Variants in JPH3 observed in about 807,000 individuals in gnomAD.
JPH3 encodes the protein junctophilin 3, also known as junctophilin-3.
Under a neutral mutation model 59.6 loss-of-function variants are expected in JPH3, and 11 were observed. The observed-to-expected ratio is 0.18, with a 90% confidence interval of 0.12 to 0.31. The LOEUF (loss-of-function observed/expected upper bound fraction) is 0.31. Among genes scored for constraint, JPH3 ranks in the 10% least tolerant of loss-of-function variants. JPH3 has a pLI of 1.00. For missense variants in JPH3, 1,202 were observed against 1,105.7 expected (o/e 1.09, Z -1.24); for synonymous variants, 673 against 483.6 (o/e 1.39, Z -5.14).
intron 1 of JPH3, among the ~76,000 whole-genome samples, chr16:87,632,443 T>C (rs76300107): frequency 0.041 from 6,301 of 152,310 alleles, 356 homozygotes; most frequent in African/African-American, 0.13. Context: ...TTATCCTTTT[T>C]CTTGGTTTGT....
intron 2 of JPH3, among the ~76,000 whole-genome samples, chr16:87,678,321 A>G (rs2033201057): frequency 6.6e-6 from 1 of 152,124 alleles, no homozygotes; most frequent in South Asian, 2.1e-4. Context: ...AGGCGGTTGG[A>G]TCACCTGAGG....
intron 1 of JPH3, among the ~76,000 whole-genome samples, chr16:87,627,777 G>A (rs1256782852): frequency 1.3e-5 from 2 of 152,208 alleles, no homozygotes; most frequent in Non-Finnish European, 2.9e-5. Context: ...AGATTTGCCC[G>A]ACTTCCACCC....
intron 2 of JPH3, among the ~76,000 whole-genome samples, chr16:87,672,849 A>T (rs1303062826): frequency 6.6e-6 from 1 of 152,218 alleles, no homozygotes; most frequent in Non-Finnish European, 1.5e-5. Context: ...CTAGGTGGAT[A>T]AAAAGTTTAA....
intron 2 of JPH3, among the ~76,000 whole-genome samples, chr16:87,668,976 C>T (rs928753793): frequency 2.2e-4 from 33 of 152,140 alleles, no homozygotes; most frequent in East Asian, 5.8e-4. Context: ...ACAAACATCT[C>T]GTTAATCTTC....
chr16:87,688,704 T>G (rs959817707), intron 3 of JPH3, among the ~76,000 whole-genome samples: 13 of 152,258 alleles, frequency 8.5e-5, no homozygotes, highest in African/African-American at 3.1e-4. Flanking sequence ...AGGACGGGGA[T>G]GCTGGGGGCG....
chr16:87,616,640 C>A (rs2030981261), intron 1 of JPH3, among the ~76,000 whole-genome samples: 1 of 151,996 alleles, frequency 6.6e-6, no homozygotes, highest in Non-Finnish European at 1.5e-5. Flanking sequence ...ATCCGGTGTC[C>A]CCCTCATGTG....
chr16:87,661,790 A>G (rs1418265447), intron 2 of JPH3, among the ~76,000 whole-genome samples: 1 of 152,232 alleles, frequency 6.6e-6, no homozygotes, highest in Non-Finnish European at 1.5e-5. Flanking sequence ...GAAGGGGAAC[A>G]TACAATGCTG....
chr16:87,655,371 CAGGGTGTTG>C (rs2032464292), intron 2 of JPH3, among the ~76,000 whole-genome samples: 2 of 123,046 alleles, frequency 1.6e-5, no homozygotes, highest in Non-Finnish European at 3.4e-5. Context: ...TTTTTTGTGA[CAGGGTGTTG>C]TTCTGCTCTG....
At chr16:87,684,101 T>A (rs776940270) in intron 2 of JPH3, 41 bp from the exon 3 acceptor site, 38 of 1,510,610 alleles carry the variant, frequency 2.5e-5, no homozygotes, top group Non-Finnish European at 3.5e-5. Context: ...CTGTCACCTG[T>A]GCCCCCTGCC....
At chr16:87,634,079 G>A (rs1027983074) in intron 1 of JPH3, among the ~76,000 whole-genome samples, 11 of 152,188 alleles carry the variant, frequency 7.2e-5, no homozygotes, top group African/African-American at 2.7e-4. Flanking sequence ...GTGCAGCCGG[G>A]GACAAAGTGG....
intron 2 of JPH3, among the ~76,000 whole-genome samples, chr16:87,669,616 C>A (rs1387389195): frequency 6.6e-6 from 1 of 152,146 alleles, no homozygotes; most frequent in Non-Finnish European, 1.5e-5. Context: ...CTGTCTGCCC[C>A]ATGGTGAGTT....
chr16:87,613,310 A>G (rs1029221974), intron 1 of JPH3, among the ~76,000 whole-genome samples: 2 of 151,628 alleles, frequency 1.3e-5, no homozygotes, highest in East Asian at 3.9e-4. Flanking sequence ...CGTGTTAGCC[A>G]GGATGGTCTC....
At chr16:87,652,011 G>T (rs931057733) in intron 2 of JPH3, among the ~76,000 whole-genome samples, 27 of 151,740 alleles carry the variant, frequency 1.8e-4, no homozygotes, top group African/African-American at 6.5e-4. Context: ...GTCTCGCTCT[G>T]TTGCCCAGGC....
In JPH3 at chr16:87,603,294, C is replaced by G. The variant is rs762507936; in HGVS notation, c.148C>G (p.Leu50Val). The G allele has an allele frequency of 9.3e-6, 15 of 1,613,376 alleles. No individual in the cohort carries two copies. The highest frequency in any genetic ancestry group is 1.2e-5 in the Non-Finnish European group (14 of 1,179,912). The change falls in exon 1 of 5, where the codon CTG becomes GTG. Residue 50 changes from leucine to valine, a missense_variant. Leu to Val is a conservative substitution (Grantham distance 32). Transcript: ENST00000284262. The stretch of plus-strand genomic sequence containing the variant: ...CTCGTGGAGCCACGGCTTCGAGGTG[C>G]TGGGCGTCTACACCTGGCCCAGCGG... ...TGSWSHGFEV[L>V]GVYTWPSGNT...
chr16:87,664,990 C>G (rs77875693), intron 2 of JPH3, among the ~76,000 whole-genome samples: 2,733 of 152,346 alleles, frequency 0.018, 86 homozygotes, highest in African/African-American at 0.062. Flanking sequence ...ATCTTCAGAG[C>G]AGGAGGCGTC....
Position 87,611,651 on chromosome 16 carries a change from C to T in JPH3, c.382+8123C>T, listed in dbSNP as rs2030736073. Reference sequence around the variant, plus strand: ...CATGGGCCCGCCTCTGTCTGCTGCTCTATGCCAGTGCTTCCCAAGCCTGAG... The same window carrying T: ...CATGGGCCCGCCTCTGTCTGCTGCTTTATGCCAGTGCTTCCCAAGCCTGAG... On this transcript the variant is annotated intron_variant, in intron 1 of 4. Transcript: ENST00000284262. This position sits in a 1 kb window ranked among gnomAD's most constrained non-coding sequence, Gnocchi z 4.5. Among the ~76,000 whole-genome samples the T allele has an allele frequency of 6.6e-6, 1 of 152,064 alleles. No homozygotes were observed. The highest frequency in any genetic ancestry group is 2.4e-5 in the African/African-American group (1 of 41,402).
chr16:87,658,041 C>T (rs1355889742), intron 2 of JPH3, among the ~76,000 whole-genome samples: 1 of 152,162 alleles, frequency 6.6e-6, no homozygotes, highest in East Asian at 1.9e-4. Context: ...ACTGGGGGCC[C>T]ACACCCTGGT....
At chr16:87,630,777 G>C (rs11117286) in intron 1 of JPH3, among the ~76,000 whole-genome samples, 52,071 of 151,948 alleles carry the variant, frequency 0.34, 9,449 homozygotes, top group African/African-American at 0.44. Flanking sequence ...TGAGCTCATG[G>C]TCACTTTTAG....
intron 2 of JPH3, chr16:87,683,875 G>C: frequency 2.4e-6 from 1 of 412,332 alleles, no homozygotes. Flanking sequence ...CAAAGTGCTG[G>C]GATTACAGGC....
Sources: allele counts gnomAD v4.1 joint callset (sites outside exome capture counted in the v4.1 genomes callset), GRCh38; gene constraint gnomAD v4.1.1; non-coding constraint Gnocchi (gnomAD v3.1); transcripts MANE v1.5; gene names NCBI Gene and HGNC (gene_info 2026-07-23, HGNC 2026-07-21).